Variants in PPP2R1B observed in about 807,000 individuals in gnomAD.
PPP2R1B encodes serine/threonine-protein phosphatase 2A 65 kDa regulatory subunit A beta isoform.
PPP2R1B carries 58 observed loss-of-function variants against 72.7 expected under a neutral mutation model. The ratio of observed to expected loss-of-function variants is 0.80; its 90% CI spans 0.65 to 0.99. The LOEUF (loss-of-function observed/expected upper bound fraction) is 0.99, where lower values mean the gene tolerates loss of function less well. PPP2R1B is among the 50% of genes least tolerant of loss of function. PPP2R1B has a pLI of 0.00. For synonymous variants in PPP2R1B, 256 were observed against 264.6 expected, an observed-to-expected ratio of 0.97 and a Z score of 0.32; for missense variants, 695 against 733.6, an observed-to-expected ratio of 0.95 and a Z score of 0.61.
At chr11:111,735,079 A>C (rs1227104574), downstream of PPP2R1B, among the ~76,000 whole-genome samples, 2 of 152,196 alleles carry the variant, frequency 1.3e-5, no homozygotes, top group Admixed American at 6.5e-5. Flanking sequence ...GGCAGGCAGG[A>C]AAAAACCAGA....
Position 111,753,443 on chromosome 11 carries a change from C to T in PPP2R1B, c.1164G>A (p.Glu388=). Residue 388 remains glutamate (E), a splice_region_variant and synonymous_variant, in exon 9 of 15, where the codon GAG becomes GAA. Coordinates refer to ENST00000527614, the MANE Select transcript of PPP2R1B (RefSeq NM_002716.5). ...LPLFLAQLKD[E]CPDVRLNIIS... ...CAACAGAACATAAAGCAAGACCCAC[C>T]TCATCCTTTAACTGAGCTAAGAAAA... 2 of 1,611,860 alleles carry T rather than the reference C, an allele frequency of 1.2e-6. No homozygotes were observed. The highest frequency in any genetic ancestry group is 1.7e-6 in the Non-Finnish European group (2 of 1,179,458).
At chr11:111,691,977 G>C in the PPP2R1B span, among the ~76,000 whole-genome samples, 5 of 152,118 alleles carry the variant, frequency 3.3e-5, no homozygotes, top group Non-Finnish European at 7.4e-5. Flanking sequence ...CTGTCTGGAA[G>C]AATCAGGGAA....
At chr11:111,704,730 A>G in the PPP2R1B span, among the ~76,000 whole-genome samples, 2 of 152,350 alleles carry the variant, frequency 1.3e-5, no homozygotes, top group East Asian at 3.9e-4. Context: ...TGACTGGAGA[A>G]AAATAAATGG....
At position 111,742,088 on chromosome 11, in the gene PPP2R1B, A is replaced by G. The variant is rs1267838975; in HGVS notation, c.1754T>C (p.Met585Thr). The change falls in exon 14 of 15, where the codon ATG becomes ACG. Residue 585 changes from methionine (M) to threonine (T), a missense_variant. By Grantham distance (81) the Met-to-Thr change is moderately conservative. Transcript: ENST00000527614. ...VLQKLGQDED[M>T]DVKYFAQEAI... ...TTCCTGTGCAAAGTATTTGACATCC[A>G]TGTCTTCATCTTGACCTAACTTCTG... 4 of 1,613,822 alleles carry G rather than the reference A, an allele frequency of 2.5e-6. No homozygotes were observed. Among genetic ancestry groups the G allele is most frequent in the Non-Finnish European group, 3.4e-6 (4 of 1,179,876 alleles).
Position 111,766,269 on chromosome 11 carries a change from C to A in PPP2R1B, c.93G>T (p.Glu31Asp), listed in dbSNP as rs782023924. 4.3e-6 allele frequency: 7 copies of A among 1,613,888 alleles called. No homozygotes were observed. The highest frequency in any genetic ancestry group is 5.9e-6 in the Non-Finnish European group (7 of 1,179,928). The change falls in exon 1 of 15, where the codon GAG (glutamate) becomes GAT (aspartate). Residue 31 changes from glutamate (E) to aspartate (D), a missense_variant. Coordinates refer to ENST00000527614, the MANE Select transcript of PPP2R1B (RefSeq NM_002716.5). ...SLYPIAVLID[E>D]LRNEDVQLRL... The stretch of plus-strand genomic sequence containing the variant: ...GTACCTGCACGTCTTCATTGCGGAG[C>A]TCGTCGATTAAAACCGCGATCGGGT...
the PPP2R1B span, among the ~76,000 whole-genome samples, chr11:111,711,236 A>G: frequency 4.0e-4 from 60 of 151,230 alleles, no homozygotes; most frequent in African/African-American, 1.3e-3. Flanking sequence ...CTCCTGCCTC[A>G]GCCTCCCAAG....
chr11:111,723,947 T>G (rs1458364012), downstream of PPP2R1B: 2 of 1,614,106 alleles, frequency 1.2e-6, no homozygotes, highest in South Asian at 2.2e-5. Context: ...TCCCTGTCAG[T>G]ATCCTGTGGA....
intron 5 of PPP2R1B, 28 bp downstream of exon 5, chr11:111,759,776 G>A: frequency 6.3e-7 from 1 of 1,583,148 alleles, no homozygotes; most frequent in Non-Finnish European, 8.6e-7. Context: ...GCATATCTGT[G>A]TCCCTTAAAT....
chr11:111,753,060 G>A (rs1479530819), intron 9 of PPP2R1B, among the ~76,000 whole-genome samples: 1 of 152,172 alleles, frequency 6.6e-6, no homozygotes, highest in African/African-American at 2.4e-5. Flanking sequence ...TACATGCAAA[G>A]CACTAAGGCT....
the PPP2R1B span, among the ~76,000 whole-genome samples, chr11:111,696,441 A>G: frequency 6.6e-6 from 1 of 152,202 alleles, no homozygotes; most frequent in African/African-American, 2.4e-5. Flanking sequence ...ATCTAAAAGT[A>G]TTTCAAAATT....
At chr11:111,744,859 T>G (rs372824746) in intron 11 of PPP2R1B, among the ~76,000 whole-genome samples, 1 of 152,114 alleles carries the variant, frequency 6.6e-6, no homozygotes, top group Admixed American at 6.5e-5. Context: ...ACACTTAAAC[T>G]GACAGTCTAC....
At chr11:111,746,769 A>G (rs1437475341) in intron 11 of PPP2R1B, among the ~76,000 whole-genome samples, 1 of 152,218 alleles carries the variant, frequency 6.6e-6, no homozygotes, top group Non-Finnish European at 1.5e-5. Flanking sequence ...GATTTGCCAA[A>G]TTTTAATTTT....
the PPP2R1B span, chr11:111,705,167 T>A: frequency 2.0e-6 from 3 of 1,536,088 alleles, no homozygotes; most frequent in African/African-American, 4.3e-5. This position sits in a 1 kb window ranked among gnomAD's most constrained non-coding sequence, Gnocchi z 4.3. Context: ...GAGAGTCTTA[T>A]CTGTGCATGT....
At chr11:111,760,487 A>AT (rs1945284255) in intron 4 of PPP2R1B, among the ~76,000 whole-genome samples, 1 of 151,908 alleles carries the variant, frequency 6.6e-6, no homozygotes, top group South Asian at 2.1e-4. Context: ...CCAGCCAGAA[A>AT]TTTTTTTTAA....
At chr11:111,735,817 A>ACC (rs1313975055), downstream of PPP2R1B, among the ~76,000 whole-genome samples, 1 of 152,196 alleles carries the variant, frequency 6.6e-6, no homozygotes. Context: ...CGCACCCTAG[A>ACC]CAGTGAGGGG....
chr11:111,710,942 T>C, the PPP2R1B span, among the ~76,000 whole-genome samples: 6 of 152,218 alleles, frequency 3.9e-5, no homozygotes, highest in East Asian at 1.2e-3. Flanking sequence ...CTTCTGCCTT[T>C]CATAGTCTAG....
At chr11:111,737,619 C>T (rs779234766), downstream of PPP2R1B, 2 of 1,609,988 alleles carry the variant, frequency 1.2e-6, no homozygotes, top group Non-Finnish European at 1.7e-6. Context: ...AGGGCACATC[C>T]CTCCCAAGCC....
chr11:111,724,344 T>C (rs117478616), downstream of PPP2R1B: 4,712 of 641,072 alleles, frequency 7.4e-3, 24 homozygotes, highest in Middle Eastern at 0.023. Flanking sequence ...TGCTGGAACA[T>C]AGTTGTAGGC....
At chr11:111,713,192 AAGTT>A in the PPP2R1B span, among the ~76,000 whole-genome samples, 43,389 of 151,844 alleles carry the variant, frequency 0.29, 7,201 homozygotes, top group East Asian at 0.53. Context: ...ATAAAAATAA[AAGTT>A]AGTATGTGGA....
Sources: gnomAD v4.1 joint callset for allele counts (sites outside exome capture counted in the v4.1 genomes callset) on GRCh38, gnomAD v4.1.1 for gene constraint, Gnocchi (gnomAD v3.1) non-coding constraint, MANE v1.5 for transcripts, NCBI Gene and HGNC (gene_info 2026-07-23, HGNC 2026-07-21) for gene names.